The following NXN variants were observed in gnomAD, a reference collection of about 807,000 sequenced individuals.
NXN encodes the protein nucleoredoxin.
A neutral mutation model predicts 48.6 loss-of-function variants in NXN; 16 were observed. The observed-to-expected ratio is 0.33, with a 90% CI of 0.22 to 0.50. NXN has a LOEUF of 0.50. Among genes scored for constraint, NXN ranks in the 20% least tolerant of loss-of-function variants. The pLI, the probability that NXN is intolerant of heterozygous loss-of-function variation, is 0.98. For missense variants in NXN, 492 were observed against 605.5 expected, an observed-to-expected ratio of 0.81 and a Z score of 1.97; for synonymous variants, 281 against 269.6, an observed-to-expected ratio of 1.04 and a Z score of -0.41.
At chr17:831,484 ATT>A (rs1913472360) in intron 1 of NXN, among the ~76,000 whole-genome samples, 1 of 95,954 alleles carries the variant, frequency 1.0e-5, no homozygotes, top group Non-Finnish European at 2.2e-5. Context: ...TTTATTTATT[ATT>A]TTGAGATGGA....
intron 1 of NXN, among the ~76,000 whole-genome samples, chr17:975,936 A>C (rs2069452484): frequency 6.6e-6 from 1 of 152,238 alleles, no homozygotes; most frequent in African/African-American, 2.4e-5. Context: ...CAACCTACTT[A>C]TTAAAACAAG....
At chr17:970,613 G>T (rs941782572) in intron 1 of NXN, among the ~76,000 whole-genome samples, 5 of 152,120 alleles carry the variant, frequency 3.3e-5, no homozygotes, top group African/African-American at 1.2e-4. Flanking sequence ...ACCTGAAGAG[G>T]CTTGCTGCTC....
chr17:818,777 G>A (rs60425349), intron 5 of NXN, among the ~76,000 whole-genome samples: 3 of 151,638 alleles, frequency 2.0e-5, no homozygotes, highest in African/African-American at 4.9e-5. Flanking sequence ...CCCAGCTACT[G>A]GGGAGGCTGA....
intron 1 of NXN, among the ~76,000 whole-genome samples, chr17:928,315 C>T (rs946665324): frequency 6.6e-5 from 10 of 152,120 alleles, no homozygotes; most frequent in Admixed American, 1.3e-4. Context: ...CTGCCAAGCA[C>T]ATCTGACTTC....
chr17:822,585 G>C, intron 3 of NXN, 128 bp from the exon 4 acceptor site: 1 of 651,018 alleles, frequency 1.5e-6, no homozygotes. Flanking sequence ...CATGAAAGGG[G>C]TGGAAATGAG....
intron 1 of NXN, among the ~76,000 whole-genome samples, chr17:974,364 G>GAT (rs142776512): frequency 0.011 from 1,649 of 150,854 alleles, 28 homozygotes; most frequent in African/African-American, 0.036. Flanking sequence ...AAAGTATATA[G>GAT]ATATATATAT....
intron 1 of NXN, among the ~76,000 whole-genome samples, chr17:949,855 G>T (rs1166633444): frequency 6.6e-6 from 1 of 151,360 alleles, no homozygotes; most frequent in Non-Finnish European, 1.5e-5. Flanking sequence ...GCTGGGGTGG[G>T]AAGACGCCAT....
chr17:928,355 T>C (rs1335014622), intron 1 of NXN, among the ~76,000 whole-genome samples: 2 of 152,172 alleles, frequency 1.3e-5, no homozygotes. Context: ...AGATTTCCTA[T>C]GGAATCCTTG....
At chr17:813,492 G>A (rs1235904878) in intron 5 of NXN, among the ~76,000 whole-genome samples, 3 of 152,226 alleles carry the variant, frequency 2.0e-5, no homozygotes, top group African/African-American at 4.8e-5. Context: ...CTGAGAAGGC[G>A]CTTCCAAAGT....
intron 1 of NXN, among the ~76,000 whole-genome samples, chr17:833,702 G>T (rs77040327): frequency 6.6e-6 from 1 of 152,144 alleles, no homozygotes; most frequent in African/African-American, 2.4e-5. Context: ...ACTGATCACG[G>T]GAGGTCTACA....
chr17:927,096 G>A (rs908383038), intron 1 of NXN, among the ~76,000 whole-genome samples: 2 of 149,730 alleles, frequency 1.3e-5, no homozygotes, highest in Admixed American at 6.6e-5. Flanking sequence ...GGCGGATCAC[G>A]AGGTCAGGAG....
chr17:897,054 C>T (rs891936508), intron 1 of NXN: 1 of 1,068,370 alleles, frequency 9.4e-7, no homozygotes, highest in African/African-American at 1.7e-5. Context: ...CACTGTCACA[C>T]ACGCGTGAGC....
rs935029867 is a variant in NXN at position 932,211 on chromosome 17, G to C, written c.360+47108C>G. ...TTGGAATCCTGGAAAAAAAAGCTAA[G>C]GCAAAGCTGATCTGAAGAGTCTGTC... On this transcript the variant is annotated intron_variant, in intron 1 of 7. Transcript: ENST00000336868. This position sits in a 1 kb window ranked among gnomAD's most constrained non-coding sequence, Gnocchi z 4.1. Among the ~76,000 whole-genome samples, 1 of 152,160 alleles carries C rather than the reference G, an allele frequency of 6.6e-6. No individual in the cohort carries two copies. The highest frequency in any genetic ancestry group is 1.5e-5 in the Non-Finnish European group (1 of 68,022).
Position 841,421 on chromosome 17 carries a change from G to A in NXN, c.361-15343C>T, listed in dbSNP as rs1325956832. Reference sequence around the variant, plus strand: ...CGAGCAGGTCCCCCCTGACCACGGCGCATCTCACACGGGCGAGCAGGTCCC... The same window carrying A: ...CGAGCAGGTCCCCCCTGACCACGGCACATCTCACACGGGCGAGCAGGTCCC... On this transcript the variant is annotated intron_variant, in intron 1 of 7. Coordinates refer to ENST00000336868, the MANE Select transcript of NXN (RefSeq NM_022463.5). 2.4e-4 allele frequency among the ~76,000 whole-genome samples: 30 copies of A among 122,612 alleles called. 2 individuals carry two copies. The highest frequency in any genetic ancestry group is 6.0e-4 in the Admixed American group (7 of 11,632). 80.4% of individuals were successfully genotyped at this position (122,612 alleles called of 152,430 possible).
At chr17:979,200 T>A (rs956902489) in intron 1 of NXN, 119 bp downstream of exon 1, 1 of 179,846 alleles carries the variant, frequency 5.6e-6, no homozygotes, top group Non-Finnish European at 7.2e-6. Flanking sequence ...GGTCGGGGGG[T>A]GGAGGGCGGG....
At chr17:848,014 C>T (rs2067883506) in intron 1 of NXN, among the ~76,000 whole-genome samples, 2 of 152,040 alleles carry the variant, frequency 1.3e-5, no homozygotes, top group Admixed American at 6.6e-5. Context: ...TGTTACAAAA[C>T]GGGGCGAGTG....
intron 5 of NXN, among the ~76,000 whole-genome samples, chr17:812,021 G>A (rs7208540): frequency 0.012 from 1,815 of 148,464 alleles, 37 homozygotes; most frequent in African/African-American, 0.034. Flanking sequence ...TCCGTCTCCC[G>A]GGTTCACGCC....
intron 1 of NXN, among the ~76,000 whole-genome samples, chr17:862,894 C>T (rs1457144939): frequency 2.0e-5 from 3 of 152,182 alleles, no homozygotes; most frequent in South Asian, 2.1e-4. Flanking sequence ...ATGCTCTAAA[C>T]GTATCAATGC....
chr17:806,081 G>A (rs1005780315), intron 5 of NXN, among the ~76,000 whole-genome samples: 1 of 149,284 alleles, frequency 6.7e-6, no homozygotes, highest in Admixed American at 6.7e-5. Context: ...TGGCCGCACC[G>A]GAGACTCGAA....
Sources: allele counts gnomAD v4.1 joint callset (sites outside exome capture counted in the v4.1 genomes callset), GRCh38; gene constraint gnomAD v4.1.1; non-coding constraint Gnocchi (gnomAD v3.1); transcripts MANE v1.5; gene names NCBI Gene and HGNC (gene_info 2026-07-23, HGNC 2026-07-21).